GZMH: variants seen among roughly 807,000 people sequenced by gnomAD.
GZMH encodes cathepsin G-like 2, protein h-CCPX.
GZMH carries 24 observed loss-of-function variants against 20.7 expected under a neutral mutation model. The ratio of observed to expected loss-of-function variants is 1.16; its 90% CI spans 0.84 to 1.63. GZMH has a LOEUF of 1.63. GZMH is among the 40% of genes most tolerant of loss of function. The pLI is 0.00. For missense variants in GZMH, 344 were observed against 302.7 expected (o/e 1.14, Z -1.01); for synonymous variants, 119 against 116.1 (o/e 1.02, Z -0.16).
chr14:24,607,046 G>T, intron 4 of GZMH, 103 bp downstream of exon 4: 2 of 1,249,176 alleles, frequency 1.6e-6, no homozygotes, highest in Non-Finnish European at 2.3e-6. Flanking sequence ...GGCTGCCCAA[G>T]CTCTGGGCTG....
At position 24,606,650 on chromosome 14, in the gene GZMH, C is replaced by A; in HGVS notation, c.694G>T (p.Val232Phe). ...KGTPPGVYIK[V>F]SHFLPWIKRT... ...TTTATCCAGGGCAGGAAGTGTGAGA[C>A]CTTGATGTAGACTCCTGGAGGTGTC... is the stretch of plus-strand genomic sequence containing the variant. Residue 232 changes from valine to phenylalanine, a missense_variant, in exon 5 of 5, where the codon GTC becomes TTC. Transcript: ENST00000216338. 6.2e-7 allele frequency: 1 copy of A among 1,614,036 alleles called. No individual in the cohort carries two copies. Among genetic ancestry groups the A allele is most frequent in the East Asian group, 2.2e-5 (1 of 44,882 alleles).
At chr14:24,608,223 C>T in intron 2 of GZMH, 42 bp downstream of exon 2, 4 of 1,610,808 alleles carry the variant, frequency 2.5e-6, no homozygotes, top group Non-Finnish European at 2.5e-6. Flanking sequence ...ACAAGGGTCC[C>T]TGTAGGGGGA....
intron 1 of GZMH, 111 bp downstream of exon 1, chr14:24,609,448 G>A: frequency 1.6e-6 from 1 of 621,636 alleles, no homozygotes; most frequent in Non-Finnish European, 2.8e-6. Flanking sequence ...ATAAGTCTGG[G>A]TGTGGAATGG....
At chr14:24,608,521 G>A in intron 1 of GZMH, 109 bp from the exon 2 acceptor site, 1 of 1,218,448 alleles carries the variant, frequency 8.2e-7, no homozygotes, top group Non-Finnish European at 1.2e-6. Flanking sequence ...TGCAGACAGT[G>A]AGGGAGGGGT....
chr14:24,607,832 A>C lies in GZMH; in HGVS notation c.204-85T>G, dbSNP rs2066882882. 3 of 1,593,712 alleles carry C rather than the reference A, an allele frequency of 1.9e-6. No individual in the cohort carries two copies. In the South Asian group the frequency reaches 3.3e-5, roughly 18 times the overall value. ...GTGAAGAGCAGATGACAGCTGTGGC[A>C]GGGTAGGGCTGCAGCTGAGGGGAAG... On this transcript the variant is annotated intron_variant, in intron 2 of 4. Transcript: ENST00000216338.
In GZMH at chr14:24,609,559, C is replaced by T. The variant is rs145534117; in HGVS notation, c.55G>A (p.Glu19Lys). Residue 19 changes from glutamate to lysine, a missense_variant and splice_region_variant, in exon 1 of 5, where the codon GAG becomes AAG. Transcript: ENST00000216338. ...CTCTGGAATAGGGATAGTCACTTAC[C>T]TGTCCCAGCCCCAGGGGTCAGAAGA... ...AFLLTPGAGT[E>K]EIIGGHEAKP... 1 of 1,604,254 alleles carries T rather than the reference C, an allele frequency of 6.2e-7. No homozygotes were observed. Among genetic ancestry groups the T allele is most frequent in the African/African-American group, 1.3e-5 (1 of 74,750 alleles).
chr14:24,607,508 A>G, intron 3 of GZMH, 102 bp from the exon 4 acceptor site: 1 of 1,599,934 alleles, frequency 6.3e-7, no homozygotes, highest in Non-Finnish European at 8.5e-7. Context: ...AAGGCACAGG[A>G]ACTGACCAAG....
chr14:24,608,165 T>C lies in GZMH; in HGVS notation c.203+100A>G, dbSNP rs556912197. On this transcript the variant is annotated intron_variant, in intron 2 of 4. Coordinates refer to ENST00000216338, the MANE Select transcript of GZMH (RefSeq NM_033423.5). Reference sequence around the variant, plus strand: ...TCCGATGAGCTTTCATGGGCTTGTGTTACCAGGAACTCTGGAAGCTCCCCT... The same window carrying C: ...TCCGATGAGCTTTCATGGGCTTGTGCTACCAGGAACTCTGGAAGCTCCCCT... The C allele has an allele frequency of 1.4e-4, 178 of 1,299,396 alleles. 1 individual carries two copies. In the East Asian group the frequency reaches 3.9e-3, roughly 28 times the overall value. The allele number at this position is 1,299,396 out of a possible 1,614,324, so 80.5% of individuals were successfully genotyped here.
At chr14:24,607,006 G>A (rs1266648853) in intron 4 of GZMH, 143 bp downstream of exon 4, 2 of 875,036 alleles carry the variant, frequency 2.3e-6, no homozygotes, top group Non-Finnish European at 3.6e-6. Context: ...CCCAAGGAGT[G>A]GACTAAAGAC....
chr14:24,606,822 T>C, intron 4 of GZMH, 76 bp from the exon 5 acceptor site: 4 of 1,374,676 alleles, frequency 2.9e-6, no homozygotes, highest in Non-Finnish European at 4.1e-6. Context: ...TTGTGTGACA[T>C]CAGTGCCAGG....
At position 24,607,303 on chromosome 14, in the gene GZMH, C is replaced by A; in HGVS notation, c.443G>T (p.Gly148Val). The change falls in exon 4 of 5, where the codon GGT (glycine) becomes GTT (valine). Residue 148 changes from glycine (G) to valine (V), a missense_variant. By Grantham distance (109) the Gly-to-Val change is moderately radical. Transcript: ENST00000216338. ...TGCTAAAGTGCTCATTGAGACATAA[C>A]CCCAGCCAGCCACACTGCACAGCTG... ...PGQLCSVAGW[G>V]YVSMSTLATT... The A allele has an allele frequency of 6.2e-7, 1 of 1,613,984 alleles. No homozygotes were observed. Among genetic ancestry groups the A allele is most frequent in the Non-Finnish European group, 8.5e-7 (1 of 1,179,994 alleles).
chr14:24,607,552 C>T (rs930715218), intron 3 of GZMH, 60 bp downstream of exon 3: 2 of 1,611,238 alleles, frequency 1.2e-6, no homozygotes, highest in African/African-American at 1.3e-5. Context: ...GGGCCGGCAT[C>T]CCAGTGGGAG....
Position 24,608,277 on chromosome 14 carries a change from T to C in GZMH, c.191A>G (p.His64Arg), listed in dbSNP as rs763257111. Residue 64 changes from histidine to arginine, a missense_variant, in exon 2 of 5, where the codon CAC becomes CGC. Physicochemically the swap from His to Arg is conservative, Grantham distance 29. Transcript: ENST00000216338. ...TGCTGCTCCTTACCTTCCCTGGCAGTGAGCAGCTGTCAGCACAAAGTCCTT... is the reference window on the plus strand; with the variant it reads ...TGCTGCTCCTTACCTTCCCTGGCAGCGAGCAGCTGTCAGCACAAAGTCCTT... ...VRKDFVLTAA[H>R]CQGSSINVTL... 3.7e-6 allele frequency: 6 copies of C among 1,614,090 alleles called. No homozygotes were observed. In the East Asian group the frequency reaches 8.9e-5, roughly 24 times the overall value.
Position 24,606,697 on chromosome 14 carries a change from A to G in GZMH, c.647T>C (p.Leu216Pro), listed in dbSNP as rs1399864896. The G allele has an allele frequency of 4.3e-6, 7 of 1,613,772 alleles. No homozygotes were observed. Among genetic ancestry groups the G allele is most frequent in the Non-Finnish European group, 5.9e-6 (7 of 1,179,712 alleles). Residue 216 changes from leucine to proline, a missense_variant, in exon 5 of 5, where the codon CTC becomes CCC. By Grantham distance (98) the Leu-to-Pro change is moderately conservative. Transcript: ENST00000216338. ...LVCKDVAQGI[L>P]SYGNKKGTPP... ...TGTCCCTTTTTTGTTTCCATAGGAG[A>G]GAATACCTTGGGCTACGTCCTTACA...
In GZMH at chr14:24,606,570, A is replaced by T; in HGVS notation, c.*33T>A. 6.3e-7 allele frequency: 1 copy of T among 1,598,800 alleles called. No homozygotes were observed. The highest frequency in any genetic ancestry group is 8.5e-7 in the Non-Finnish European group (1 of 1,173,106). On this transcript the variant is annotated 3_prime_UTR_variant, in exon 5 of 5. Coordinates refer to ENST00000216338, the MANE Select transcript of GZMH (RefSeq NM_033423.5). ...TCTTGCCTCTGTCCCAGAGATGGTCAGGCCCAGAGGAAGGTTAGTCTCATG... is the reference window on the plus strand; with the variant it reads ...TCTTGCCTCTGTCCCAGAGATGGTCTGGCCCAGAGGAAGGTTAGTCTCATG...
At position 24,606,725 on chromosome 14, in the gene GZMH, C is replaced by T. The variant is rs199773255; in HGVS notation, c.619G>A (p.Val207Met). The change falls in exon 5 of 5, where the codon GTG becomes ATG. Residue 207 changes from valine (V) to methionine (M), a missense_variant. Physicochemically the swap from Val to Met is conservative, Grantham distance 21. Transcript: ENST00000216338. ...GFKGDSGGPL[V>M]CKDVAQGILS... is the part of the protein sequence containing the mutation. ...ATACCTTGGGCTACGTCCTTACACACGAGGGGCCCCCCGGAGTCCCCCTGT... is the reference window on the plus strand; with the variant it reads ...ATACCTTGGGCTACGTCCTTACACATGAGGGGCCCCCCGGAGTCCCCCTGT... 107 of 1,613,666 alleles carry T rather than the reference C, an allele frequency of 6.6e-5. No individual in the cohort carries two copies. The highest frequency in any genetic ancestry group is 1.6e-4 in the East Asian group (7 of 44,890).
intron 4 of GZMH, 90 bp downstream of exon 4, chr14:24,607,059 A>G: frequency 7.5e-7 from 1 of 1,340,034 alleles, no homozygotes; most frequent in South Asian, 1.3e-5. Context: ...CTGGGCTGAG[A>G]GCATAAAGAT....
intron 4 of GZMH, 21 bp downstream of exon 4, chr14:24,607,128 G>A: frequency 3.1e-6 from 5 of 1,603,086 alleles, no homozygotes; most frequent in Non-Finnish European, 4.3e-6. Context: ...GGTCTTTCTG[G>A]GTAGAGGCTG....
intron 3 of GZMH, 41 bp from the exon 4 acceptor site, chr14:24,607,447 C>T (rs770226100): frequency 4.5e-6 from 7 of 1,540,146 alleles, no homozygotes; most frequent in Non-Finnish European, 6.1e-6. Flanking sequence ...CAGGCAATGG[C>T]CTTCTGGGCC....
Sources: allele counts gnomAD v4.1 joint callset, GRCh38; gene constraint gnomAD v4.1.1; transcripts MANE v1.5; gene names NCBI Gene and HGNC (gene_info 2026-07-23, HGNC 2026-07-21).